The following HABP2 variants were observed in gnomAD, a reference collection of about 807,000 sequenced individuals.
HABP2 encodes the protein factor VII-activating protease.
Under a neutral mutation model 66.5 loss-of-function variants are expected in HABP2, and 65 were observed. The ratio of observed to expected loss-of-function variants is 0.98; its 90% CI spans 0.80 to 1.20. HABP2 has a LOEUF of 1.20. HABP2 is among the 50% of genes most tolerant of loss of function. HABP2 has a pLI of 0.00. For synonymous variants in HABP2, 263 were observed against 253.9 expected, an observed-to-expected ratio of 1.04 and a Z score of -0.34; for missense variants, 786 against 691.0, an observed-to-expected ratio of 1.14 and a Z score of -1.54.
In HABP2 at chr10:113,589,436, G is replaced by A; in HGVS notation, c.*1067G>A. The stretch of plus-strand genomic sequence containing the variant: ...ATGTAGCCCCGGTAGGTTTGCCTCT[G>A]CAGAACTAATGGCTGTGACTTCAGA... On this transcript the variant is annotated 3_prime_UTR_variant, in exon 13 of 13. Transcript: ENST00000351270. The A allele has an allele frequency of 1.7e-6, 1 of 603,868 alleles. No homozygotes were observed. The highest frequency in any genetic ancestry group is 2.9e-6 in the Non-Finnish European group (1 of 347,160). The allele number at this position is 603,868 out of a possible 1,614,324, so 37.4% of individuals were successfully genotyped here. A position where few individuals can be genotyped will look rare whatever the true frequency, so the allele number is the denominator to read the frequency against.
At chr10:113,582,467 G>C (rs1158393173) in intron 9 of HABP2, among the ~76,000 whole-genome samples, 1 of 151,218 alleles carries the variant, frequency 6.6e-6, no homozygotes, top group African/African-American at 2.4e-5. Context: ...GTAAATATTT[G>C]TGGAGGAAAA....
upstream of HABP2, among the ~76,000 whole-genome samples, chr10:113,551,347 G>C (rs568579093): frequency 6.6e-6 from 1 of 152,350 alleles, no homozygotes; most frequent in Non-Finnish European, 1.5e-5. Flanking sequence ...TGCATGCAGG[G>C]CTTCTGAGGA....
At chr10:113,565,408 C>A (rs1845180037) in intron 1 of HABP2, among the ~76,000 whole-genome samples, 1 of 152,130 alleles carries the variant, frequency 6.6e-6, no homozygotes, top group Non-Finnish European at 1.5e-5. Context: ...TGGCAAGGGC[C>A]TCAAGCTGCC....
chr10:113,588,131 C>A, intron 12 of HABP2, 74 bp from the exon 13 acceptor site: 1 of 1,283,700 alleles, frequency 7.8e-7, no homozygotes, highest in Admixed American at 2.2e-5. Flanking sequence ...CCCTGACACC[C>A]CCTGGAGAGA....
intron 11 of HABP2, among the ~76,000 whole-genome samples, chr10:113,585,130 G>C (rs1845610502): frequency 6.6e-6 from 1 of 152,160 alleles, no homozygotes; most frequent in Non-Finnish European, 1.5e-5. Context: ...AAGATGTCTG[G>C]CTAATTGGAT....
At chr10:113,563,950 G>A (rs1845147970) in intron 1 of HABP2, among the ~76,000 whole-genome samples, 1 of 152,184 alleles carries the variant, frequency 6.6e-6, no homozygotes, top group South Asian at 2.1e-4. Context: ...GGGGTGATGA[G>A]GGCGAGATTG....
At chr10:113,551,558 C>T (rs113197826), upstream of HABP2, among the ~76,000 whole-genome samples, 3 of 152,250 alleles carry the variant, frequency 2.0e-5, no homozygotes, top group African/African-American at 7.2e-5. Flanking sequence ...ATAATCCTAG[C>T]ACTTTGGGAG....
chr10:113,552,231 C>G (rs1224671775), upstream of HABP2, among the ~76,000 whole-genome samples: 2 of 152,192 alleles, frequency 1.3e-5, no homozygotes, highest in African/African-American at 4.8e-5. Flanking sequence ...ATTTATGACT[C>G]AAGTCAGGAG....
intron 2 of HABP2, among the ~76,000 whole-genome samples, chr10:113,568,317 G>A (rs188893735): frequency 1.7e-4 from 26 of 152,326 alleles, no homozygotes; most frequent in African/African-American, 4.6e-4. Context: ...CCCACAGAGC[G>A]CCATAGCCAG....
chr10:113,578,565 C>T, intron 6 of HABP2, 62 bp from the exon 7 acceptor site: 1 of 1,163,200 alleles, frequency 8.6e-7, no homozygotes, highest in Non-Finnish European at 1.3e-6. Context: ...CCCACCAAGC[C>T]CTTTTTGGGA....
chr10:113,566,281 G>A (rs1205266216), intron 1 of HABP2, among the ~76,000 whole-genome samples: 3 of 152,206 alleles, frequency 2.0e-5, no homozygotes, highest in Non-Finnish European at 4.4e-5. Context: ...TACAAAAGCA[G>A]CCATAAACAA....
At chr10:113,577,690 C>T (rs1410476758) in intron 5 of HABP2, among the ~76,000 whole-genome samples, 2 of 152,234 alleles carry the variant, frequency 1.3e-5, no homozygotes, top group Admixed American at 1.3e-4. Flanking sequence ...TTGCTCATGG[C>T]CACATGGGTA....
rs1294476302 is a variant in HABP2, at chr10:113,582,078, T to C, written c.1041T>C (p.Cys347=). The C allele has an allele frequency of 3.1e-6, 5 of 1,612,348 alleles. No homozygotes were observed. The highest frequency in any genetic ancestry group is 4.2e-6 in the Non-Finnish European group (5 of 1,179,834). The change falls in exon 9 of 13, where the codon TGT becomes TGC. Residue 347 remains cysteine (C), a synonymous_variant. Transcript: ENST00000351270. The stretch of plus-strand genomic sequence containing the variant: ...TCTCCATGCCCCAGGGCCACTTCTG[T>C]GGTGGGGCGCTGATCCACCCCTGCT... ...LTISMPQGHF[C]GGALIHPCWV...
At chr10:113,578,512 G>C in intron 6 of HABP2, 115 bp from the exon 7 acceptor site, 1 of 719,184 alleles carries the variant, frequency 1.4e-6, no homozygotes, top group Middle Eastern at 3.5e-4. Context: ...TGAAATCTCA[G>C]GGCGATAAAT....
chr10:113,571,292 G>C (rs925239595), intron 2 of HABP2, among the ~76,000 whole-genome samples: 1 of 152,192 alleles, frequency 6.6e-6, no homozygotes, highest in African/African-American at 2.4e-5. Context: ...TATTGGCTGG[G>C]CTTTCTTATA....
At chr10:113,574,552 T>G (rs2133768273) in intron 3 of HABP2, 147 bp downstream of exon 3, 2 of 564,248 alleles carry the variant, frequency 3.5e-6, no homozygotes, top group East Asian at 6.0e-5. Flanking sequence ...TGGCTTTTTT[T>G]TCTGTTAGAT....
At chr10:113,587,346 A>AAG (rs1564682706) in intron 12 of HABP2, among the ~76,000 whole-genome samples, 1 of 151,892 alleles carries the variant, frequency 6.6e-6, no homozygotes, top group Non-Finnish European at 1.5e-5. Context: ...AACAAAAAAA[A>AAG]ACCTCATTCA....
chr10:113,573,092 G>A (rs1269340407), intron 2 of HABP2, among the ~76,000 whole-genome samples: 7 of 152,130 alleles, frequency 4.6e-5, no homozygotes, highest in African/African-American at 1.2e-4. Context: ...ATTTGCTCGC[G>A]CCTCATTATC....
At chr10:113,575,684 C>A (rs1304637790) in intron 3 of HABP2, among the ~76,000 whole-genome samples, 1 of 152,180 alleles carries the variant, frequency 6.6e-6, no homozygotes, top group African/African-American at 2.4e-5. Flanking sequence ...CTCGCCTCTC[C>A]TCTCACTAAC....
Sources: allele counts gnomAD v4.1 joint callset (sites outside exome capture counted in the v4.1 genomes callset), GRCh38; gene constraint gnomAD v4.1.1; transcripts MANE v1.5; gene names NCBI Gene and HGNC (gene_info 2026-07-23, HGNC 2026-07-21).